Variants in POU6F2 observed in about 807,000 individuals in gnomAD.
POU6F2 encodes the protein POU class 6 homeobox 2, also known as POU domain, class 6, transcription factor 2.
A neutral mutation model predicts 71.3 loss-of-function variants in POU6F2; 31 were observed. That is an observed-to-expected ratio of 0.43 (90% CI 0.33 to 0.59). The LOEUF is 0.59. POU6F2 is among the 20% of genes least tolerant of loss of function. The probability of loss-of-function intolerance (pLI) is 0.04; values close to 1 mark genes in which losing one functional copy is unlikely to be tolerated. For missense variants in POU6F2, 783 were observed against 856.8 expected, an observed-to-expected ratio of 0.91 and a Z score of 1.07; for synonymous variants, 347 against 355.7, an observed-to-expected ratio of 0.98 and a Z score of 0.27.
In POU6F2 at chr7:39,029,673, C is replaced by T. The variant is rs540866762; in HGVS notation, c.105+51615C>T. 3.9e-5 allele frequency among the ~76,000 whole-genome samples: 6 copies of T among 152,126 alleles called. No individual in the cohort carries two copies. In the East Asian group the frequency reaches 7.7e-4, roughly 20 times the overall value. ...AGAACAATTATGTTTTATGTAAGTT[C>T]GTTATAGAATTCCTTTAAAATGGTA... On this transcript the variant is annotated intron_variant, in intron 1 of 9. Transcript: ENST00000518318.
chr7:39,025,787 G>C (rs1292835587), intron 1 of POU6F2, among the ~76,000 whole-genome samples: 4 of 150,890 alleles, frequency 2.7e-5, no homozygotes, highest in Non-Finnish European at 5.9e-5. Flanking sequence ...CACAGCAAAA[G>C]AAACTACCAT....
intron 1 of POU6F2, among the ~76,000 whole-genome samples, chr7:38,979,096 T>C (rs1788250495): frequency 6.6e-6 from 1 of 152,202 alleles, no homozygotes. Context: ...TTTCTTTTCT[T>C]TTTTGTAATG....
intron 2 of POU6F2, among the ~76,000 whole-genome samples, chr7:39,167,649 C>A (rs1793140717): frequency 6.6e-6 from 1 of 151,856 alleles, no homozygotes. Context: ...TATTAAATAT[C>A]TTTTTCTTTA....
chr7:39,008,692 T>C (rs1789164377), intron 1 of POU6F2, among the ~76,000 whole-genome samples: 1 of 150,334 alleles, frequency 6.7e-6, no homozygotes, highest in Non-Finnish European at 1.5e-5. Flanking sequence ...CTTGAATTGA[T>C]TTTTGTATAA....
chr7:38,995,611 A>G (rs1307161016), intron 1 of POU6F2, among the ~76,000 whole-genome samples: 3 of 152,148 alleles, frequency 2.0e-5, no homozygotes, highest in Non-Finnish European at 4.4e-5. Flanking sequence ...TTTATTAGCT[A>G]CTTGAGGCAG....
intron 2 of POU6F2, among the ~76,000 whole-genome samples, chr7:39,105,729 A>G (rs1791667601): frequency 6.6e-6 from 1 of 152,194 alleles, no homozygotes; most frequent in African/African-American, 2.4e-5. Flanking sequence ...TGTTTTTCAA[A>G]TAGTGGCCAG....
intron 4 of POU6F2, among the ~76,000 whole-genome samples, chr7:39,297,469 C>CT (rs1054065401): frequency 1.3e-5 from 2 of 152,164 alleles, no homozygotes; most frequent in African/African-American, 4.8e-5. Flanking sequence ...AGACCAATCT[C>CT]TTATCTGACT....
At chr7:39,109,206 A>G (rs964132668) in intron 2 of POU6F2, among the ~76,000 whole-genome samples, 1 of 152,018 alleles carries the variant, frequency 6.6e-6, no homozygotes, top group African/African-American at 2.4e-5. Context: ...CTGCCACTGC[A>G]TCTGGCTAAT....
At chr7:39,397,261 C>T (rs1395607221) in intron 5 of POU6F2, among the ~76,000 whole-genome samples, 1 of 151,564 alleles carries the variant, frequency 6.6e-6, no homozygotes, top group Non-Finnish European at 1.5e-5. Context: ...GACTGAGTCA[C>T]CAGATGTGTG....
rs965223411 is a variant in POU6F2, at chr7:39,466,705, A to G, written c.*2019A>G. 2 of 152,244 alleles carry G rather than the reference A, an allele frequency of 1.3e-5. No individual in the cohort carries two copies. Among genetic ancestry groups the G allele is most frequent in the Admixed American group, 6.5e-5 (1 of 15,284 alleles). 9.4% of individuals were successfully genotyped at this position (152,244 alleles called of 1,614,324 possible). ...CCTCCAATGATTCATGCAGCAATCA[A>G]GAGACTACCAGCAAGGAAACTCTAA... On this transcript the variant is annotated 3_prime_UTR_variant, in exon 10 of 10. Coordinates refer to ENST00000518318, the MANE Select transcript of POU6F2 (RefSeq NM_001370959.1).
chr7:39,378,212 A>C (rs1250053376), intron 5 of POU6F2, among the ~76,000 whole-genome samples: 2 of 152,164 alleles, frequency 1.3e-5, no homozygotes, highest in African/African-American at 4.8e-5. Flanking sequence ...AACATCCTTG[A>C]GCAAAAAGAG....
intron 1 of POU6F2, among the ~76,000 whole-genome samples, chr7:39,022,259 C>CT (rs1471760021): frequency 1.3e-5 from 2 of 152,054 alleles, no homozygotes; most frequent in East Asian, 3.9e-4. Context: ...CTTGGCATCT[C>CT]TTTTTTTGGA....
chr7:39,144,720 C>T (rs1792579811), intron 2 of POU6F2, among the ~76,000 whole-genome samples: 1 of 152,194 alleles, frequency 6.6e-6, no homozygotes, highest in Non-Finnish European at 1.5e-5. Context: ...TTTCTAAATG[C>T]TTACTTTTTA....
intron 1 of POU6F2, among the ~76,000 whole-genome samples, chr7:39,036,403 T>C (rs1351554610): frequency 1.3e-5 from 2 of 152,168 alleles, no homozygotes; most frequent in African/African-American, 4.8e-5. Context: ...TGTAAAGACC[T>C]GCAAAGTATG....
At chr7:39,447,986 G>C (rs1162897807) in intron 7 of POU6F2, among the ~76,000 whole-genome samples, 1 of 152,088 alleles carries the variant, frequency 6.6e-6, no homozygotes, top group African/African-American at 2.4e-5. Flanking sequence ...CCCGAGAGCT[G>C]TTTCATAAAG....
chr7:39,146,247 A>T (rs954907493), intron 2 of POU6F2, among the ~76,000 whole-genome samples: 1 of 152,148 alleles, frequency 6.6e-6, no homozygotes, highest in Non-Finnish European at 1.5e-5. Flanking sequence ...TAGTGGTGGG[A>T]GAATGTTAAT....
intron 4 of POU6F2, among the ~76,000 whole-genome samples, chr7:39,292,860 T>A (rs186768702): frequency 6.6e-6 from 1 of 152,074 alleles, no homozygotes. Context: ...ATAATTGGGT[T>A]GGGGGGCTGC....
intron 4 of POU6F2, among the ~76,000 whole-genome samples, chr7:39,269,065 C>T (rs1477500496): frequency 6.6e-6 from 1 of 152,036 alleles, no homozygotes; most frequent in African/African-American, 2.4e-5. Flanking sequence ...AATTAGCTTC[C>T]TTTTATTTCT....
At chr7:39,461,039 C>T (rs1386591993) in intron 9 of POU6F2, among the ~76,000 whole-genome samples, 1 of 152,090 alleles carries the variant, frequency 6.6e-6, no homozygotes, top group African/African-American at 2.4e-5. Context: ...TTTGTCTGCA[C>T]GTAGGTATTC....
Sources: gnomAD v4.1 joint callset for allele counts (sites outside exome capture counted in the v4.1 genomes callset) on GRCh38, gnomAD v4.1.1 for gene constraint, MANE v1.5 for transcripts, NCBI Gene and HGNC (gene_info 2026-07-23, HGNC 2026-07-21) for gene names.